Variants in PLCB1 observed in about 807,000 individuals in gnomAD.
PLCB1 encodes the protein phospholipase C beta 1, also known as 1-phosphatidylinositol 4,5-bisphosphate phosphodiesterase beta-1.
Under a neutral mutation model 161.8 loss-of-function variants are expected in PLCB1, and 46 were observed. The observed-to-expected ratio is 0.28, with a 90% CI of 0.22 to 0.36. The LOEUF (loss-of-function observed/expected upper bound fraction) is 0.36. PLCB1 is among the 10% of genes least tolerant of loss of function. PLCB1 has a pLI of 1.00. For synonymous variants in PLCB1, 517 were observed against 503.7 expected (o/e 1.03, Z -0.35); for missense variants, 1,016 against 1,472.5 (o/e 0.69, Z 5.07).
intron 2 of PLCB1, among the ~76,000 whole-genome samples, chr20:8,352,525 A>T (rs1986213214): frequency 6.6e-6 from 1 of 152,158 alleles, no homozygotes; most frequent in African/African-American, 2.4e-5. Flanking sequence ...AAACTTTAAT[A>T]TATTCAAATA....
intron 3 of PLCB1, among the ~76,000 whole-genome samples, chr20:8,525,299 C>T (rs999425932): frequency 1.3e-5 from 2 of 150,718 alleles, no homozygotes; most frequent in Admixed American, 6.6e-5. Context: ...ATGGAAAAAA[C>T]CTGACCTTGG....
At chr20:8,219,295 A>G (rs1039785561) in intron 2 of PLCB1, among the ~76,000 whole-genome samples, 7 of 152,190 alleles carry the variant, frequency 4.6e-5, no homozygotes, top group African/African-American at 1.7e-4. Context: ...AAGAAATCGT[A>G]TCAGTGGCTA....
intron 3 of PLCB1, among the ~76,000 whole-genome samples, chr20:8,455,636 T>C (rs1402597634): frequency 1.3e-5 from 2 of 151,744 alleles, no homozygotes; most frequent in Non-Finnish European, 2.9e-5. Context: ...GAGACAGGGT[T>C]TCACCATGTT....
At chr20:8,646,516 T>C (rs892876481) in intron 5 of PLCB1, among the ~76,000 whole-genome samples, 3 of 152,222 alleles carry the variant, frequency 2.0e-5, no homozygotes, top group African/African-American at 7.2e-5. Flanking sequence ...CCTCTGCTTC[T>C]ACATCTGTGT....
chr20:8,227,761 C>G (rs140970307), intron 2 of PLCB1, among the ~76,000 whole-genome samples: 1 of 152,070 alleles, frequency 6.6e-6, no homozygotes, highest in African/African-American at 2.4e-5. Flanking sequence ...GACTGAAGCT[C>G]GGGAATGGTC....
intron 23 of PLCB1, among the ~76,000 whole-genome samples, chr20:8,744,986 A>G (rs987930506): frequency 6.6e-6 from 1 of 152,216 alleles, no homozygotes; most frequent in African/African-American, 2.4e-5. Context: ...GGTGATCAGA[A>G]AGCATTTTTA....
At chr20:8,735,432 C>T (rs1455512154) in intron 19 of PLCB1, among the ~76,000 whole-genome samples, 3 of 152,210 alleles carry the variant, frequency 2.0e-5, no homozygotes, top group Non-Finnish European at 2.9e-5. Context: ...CCTGAATGGA[C>T]AGTTCTCACT....
At chr20:8,291,648 A>G (rs1161186278) in intron 2 of PLCB1, among the ~76,000 whole-genome samples, 1 of 152,152 alleles carries the variant, frequency 6.6e-6, no homozygotes, top group Non-Finnish European at 1.5e-5. Context: ...GCACATTTTC[A>G]TTTTTGTTTT....
chr20:8,348,300 C>T lies in PLCB1; in HGVS notation c.178-23082C>T, dbSNP rs547087294. Reference sequence around the variant, plus strand: ...CAAACATGCACGAAGGAAGGTACTTCCTCTAGATAGAGGGACCTTGTGAGT... The same window carrying T: ...CAAACATGCACGAAGGAAGGTACTTTCTCTAGATAGAGGGACCTTGTGAGT... On this transcript the variant is annotated intron_variant, in intron 2 of 31. Coordinates refer to ENST00000338037, the MANE Select transcript of PLCB1 (RefSeq NM_015192.4). Among the ~76,000 whole-genome samples the T allele has an allele frequency of 1.2e-4, 18 of 152,302 alleles. No homozygotes were observed. The South Asian group carries it at 3.7e-3, about 32-fold the overall frequency.
intron 23 of PLCB1, among the ~76,000 whole-genome samples, chr20:8,743,929 A>C (rs1981011146): frequency 6.6e-6 from 1 of 152,132 alleles, no homozygotes; most frequent in Non-Finnish European, 1.5e-5. Context: ...AAGGTTCTCA[A>C]ATTCTTTTCT....
chr20:8,660,966 A>G (rs944141168), intron 9 of PLCB1, among the ~76,000 whole-genome samples: 4 of 152,282 alleles, frequency 2.6e-5, no homozygotes, highest in Non-Finnish European at 4.4e-5. Flanking sequence ...TTCATCTTCA[A>G]AATTAAGGAC....
At chr20:8,533,110 G>A (rs903690444) in intron 3 of PLCB1, among the ~76,000 whole-genome samples, 19 of 150,798 alleles carry the variant, frequency 1.3e-4, no homozygotes, top group Admixed American at 3.3e-4. Flanking sequence ...GAGAACATGC[G>A]GTGTTTGGTT....
intron 8 of PLCB1, 63 bp downstream of exon 8, chr20:8,657,347 C>T: frequency 1.1e-6 from 1 of 949,668 alleles, no homozygotes; most frequent in Non-Finnish European, 1.7e-6. Context: ...GTGGCTAGAG[C>T]AGGACTTGGA....
chr20:8,162,183 T>C (rs1461151042), intron 2 of PLCB1, among the ~76,000 whole-genome samples: 1 of 152,228 alleles, frequency 6.6e-6, no homozygotes. Flanking sequence ...GTTTTATCGT[T>C]ACCAAACATG....
intron 2 of PLCB1, among the ~76,000 whole-genome samples, chr20:8,247,516 A>T (rs916786812): frequency 2.6e-5 from 4 of 151,910 alleles, no homozygotes; most frequent in Non-Finnish European, 5.9e-5. Context: ...TAATTCACAT[A>T]TAGTAAATGA....
chr20:8,251,157 T>A (rs1981118404), intron 2 of PLCB1, among the ~76,000 whole-genome samples: 1 of 151,924 alleles, frequency 6.6e-6, no homozygotes, highest in Non-Finnish European at 1.5e-5. Flanking sequence ...ACAGGCTCCC[T>A]CAAGTCTGTT....
At chr20:8,784,433 C>T (rs1244417015) in intron 27 of PLCB1, among the ~76,000 whole-genome samples, 3 of 151,972 alleles carry the variant, frequency 2.0e-5, no homozygotes, top group Non-Finnish European at 2.9e-5. Context: ...TATGGTGGCA[C>T]ACGCCTGGAA....
chr20:8,443,099 C>T (rs6086453), intron 3 of PLCB1, among the ~76,000 whole-genome samples: 1 of 151,976 alleles, frequency 6.6e-6, no homozygotes, highest in South Asian at 2.1e-4. Context: ...CCTGCCTCAC[C>T]TTCTCGAGTA....
intron 9 of PLCB1, among the ~76,000 whole-genome samples, chr20:8,675,944 C>T (rs1226098009): frequency 1.3e-5 from 2 of 152,166 alleles, no homozygotes; most frequent in Non-Finnish European, 2.9e-5. Context: ...CAAGATAAGG[C>T]ATAAAACAAA....
Sources: allele counts gnomAD v4.1 joint callset (sites outside exome capture counted in the v4.1 genomes callset), GRCh38; gene constraint gnomAD v4.1.1; transcripts MANE v1.5; gene names NCBI Gene and HGNC (gene_info 2026-07-23, HGNC 2026-07-21).